Variants in MYO5B observed in about 807,000 individuals in gnomAD.
MYO5B encodes unconventional myosin-Vb.
In MYO5B, 143 loss-of-function variants were observed where a neutral mutation model predicts 229.3. That is an observed-to-expected ratio of 0.62 (90% confidence interval 0.54 to 0.72). The LOEUF is 0.72. Ranked by LOEUF, MYO5B falls within the 30% of genes least tolerant of loss-of-function variation. The probability of loss-of-function intolerance (pLI) is 0.00; values close to 1 mark genes in which losing one functional copy is unlikely to be tolerated. For missense variants in MYO5B, 2,321 were observed against 2,331.0 expected (o/e 1.00, Z 0.09); for synonymous variants, 918 against 885.2 (o/e 1.04, Z -0.66).
intron 1 of MYO5B, among the ~76,000 whole-genome samples, chr18:50,085,471 T>C (rs1041666042): frequency 3.9e-5 from 6 of 152,080 alleles, no homozygotes; most frequent in Non-Finnish European, 7.3e-5. Flanking sequence ...CTGGTGGGAC[T>C]GTAAACTAGT....
chr18:50,008,486 T>A (rs2026127334), intron 4 of MYO5B, among the ~76,000 whole-genome samples: 1 of 152,202 alleles, frequency 6.6e-6, no homozygotes, highest in East Asian at 1.9e-4. Flanking sequence ...GCAAACTTTG[T>A]CGTCCCTGCC....
chr18:50,038,439 A>G (rs2029903260), intron 3 of MYO5B, among the ~76,000 whole-genome samples: 1 of 152,242 alleles, frequency 6.6e-6, no homozygotes. Context: ...AGTTTGCCTG[A>G]AAAGACCAAA....
intron 13 of MYO5B, among the ~76,000 whole-genome samples, chr18:49,954,008 G>C (rs1466889871): frequency 7.5e-6 from 1 of 133,712 alleles, no homozygotes; most frequent in East Asian, 2.1e-4. Context: ...AGACATATAT[G>C]TGTGTATGTA....
At chr18:49,837,851 C>A in intron 36 of MYO5B, 49 bp from the exon 37 acceptor site, 1 of 1,604,628 alleles carries the variant, frequency 6.2e-7, no homozygotes, top group Non-Finnish European at 8.5e-7. Flanking sequence ...ACTAACAATG[C>A]AAAGATTGGA....
intron 14 of MYO5B, among the ~76,000 whole-genome samples, chr18:49,940,169 C>G (rs2025298377): frequency 6.6e-6 from 1 of 152,192 alleles, no homozygotes; most frequent in Non-Finnish European, 1.5e-5. Context: ...AAATAATTCA[C>G]TATTCTAGGT....
intron 10 of MYO5B, among the ~76,000 whole-genome samples, chr18:49,967,846 GC>G (rs144404456): frequency 0.069 from 10,504 of 152,148 alleles, 492 homozygotes; most frequent in East Asian, 0.21. Context: ...GTGCCTAGAT[GC>G]CCCCACCCAG....
chr18:50,103,593 T>C (rs1248050176), intron 1 of MYO5B, among the ~76,000 whole-genome samples: 1 of 152,006 alleles, frequency 6.6e-6, no homozygotes, highest in Admixed American at 6.5e-5. Context: ...TAAAACAAAT[T>C]TAAAAATCAG....
Position 50,100,332 on chromosome 18 carries a change from T to C in MYO5B, c.28-44954A>G, listed in dbSNP as rs558104043. 3.0e-4 allele frequency among the ~76,000 whole-genome samples: 46 copies of C among 152,374 alleles called. No homozygotes were observed. In the South Asian group the frequency reaches 8.1e-3, roughly 27 times the overall value. ...AGGCAGGAACATATGATGCTGGTTG[T>C]GTTGCACCAGCAAAAGCTTGAGAGA... On this transcript the variant is annotated intron_variant, in intron 1 of 39. Coordinates refer to ENST00000285039, the MANE Select transcript of MYO5B (RefSeq NM_001080467.3).
chr18:49,949,220 G>A (rs1024466197), intron 14 of MYO5B, among the ~76,000 whole-genome samples: 3 of 152,112 alleles, frequency 2.0e-5, no homozygotes, highest in African/African-American at 7.2e-5. Flanking sequence ...ACATGTAGTG[G>A]TGGCCAGGAA....
chr18:49,850,286 G>A (rs1010428059), intron 31 of MYO5B: 2 of 165,932 alleles, frequency 1.2e-5, no homozygotes, highest in African/African-American at 2.4e-5. Context: ...AGGAGAAGAG[G>A]AGCCCTGCTC....
At chr18:50,018,557 G>A (rs183308121) in intron 4 of MYO5B, among the ~76,000 whole-genome samples, 234 of 152,210 alleles carry the variant, frequency 1.5e-3, no homozygotes, top group Non-Finnish European at 2.8e-3. Flanking sequence ...AGCATCTTCC[G>A]GGTAGGCACT....
At chr18:50,022,077 G>C (rs1215776803) in intron 4 of MYO5B, among the ~76,000 whole-genome samples, 1 of 152,074 alleles carries the variant, frequency 6.6e-6, no homozygotes, top group South Asian at 2.1e-4. Context: ...CCCCAGGAGT[G>C]TCTCTTCCCT....
intron 18 of MYO5B, 93 bp from the exon 19 acceptor site, chr18:49,906,723 C>A: frequency 1.7e-6 from 2 of 1,143,944 alleles, no homozygotes; most frequent in East Asian, 2.4e-5. Context: ...GCAGAATCCC[C>A]TGGCCAGACT....
At chr18:50,044,975 A>T (rs2030180879) in intron 2 of MYO5B, among the ~76,000 whole-genome samples, 1 of 152,182 alleles carries the variant, frequency 6.6e-6, no homozygotes, top group South Asian at 2.1e-4. Context: ...TAGCCTCAGT[A>T]AATCCATATT....
chr18:50,185,298 A>T (rs1304503437), intron 1 of MYO5B, among the ~76,000 whole-genome samples: 1 of 152,086 alleles, frequency 6.6e-6, no homozygotes, highest in African/African-American at 2.4e-5. Flanking sequence ...TTAAAAAAAA[A>T]AAAAGAGAGA....
chr18:49,964,606 A>G (rs1415649395), intron 10 of MYO5B, among the ~76,000 whole-genome samples: 5 of 152,166 alleles, frequency 3.3e-5, no homozygotes, highest in Admixed American at 2.0e-4. Context: ...TTAGCTTTTT[A>G]AAGTCTTTGG....
At chr18:50,109,278 A>G (rs956038090) in intron 1 of MYO5B, among the ~76,000 whole-genome samples, 1 of 152,216 alleles carries the variant, frequency 6.6e-6, no homozygotes, top group Non-Finnish European at 1.5e-5. Flanking sequence ...GACCAGCAGG[A>G]AAAACCATGA....
chr18:49,984,176 C>T (rs945403278), intron 8 of MYO5B, among the ~76,000 whole-genome samples: 3 of 152,228 alleles, frequency 2.0e-5, no homozygotes, highest in African/African-American at 4.8e-5. Flanking sequence ...ATACTGTCCC[C>T]TTATGCCCCT....
chr18:50,005,641 T>C (rs2026093351), intron 4 of MYO5B, among the ~76,000 whole-genome samples: 1 of 152,190 alleles, frequency 6.6e-6, no homozygotes, highest in African/African-American at 2.4e-5. Flanking sequence ...GGTCTTGAAC[T>C]CCTGAGCTCA....
Sources: gnomAD v4.1 joint callset for allele counts (sites outside exome capture counted in the v4.1 genomes callset) on GRCh38, gnomAD v4.1.1 for gene constraint, MANE v1.5 for transcripts, NCBI Gene and HGNC (gene_info 2026-07-23, HGNC 2026-07-21) for gene names.